The following TMPRSS11D variants were observed in gnomAD, a reference collection of about 807,000 sequenced individuals.
TMPRSS11D encodes transmembrane serine protease 11D.
Under a neutral mutation model 44.4 loss-of-function variants are expected in TMPRSS11D, and 32 were observed. The ratio of observed to expected loss-of-function variants is 0.72; its 90% confidence interval spans 0.54 to 0.97. The LOEUF (loss-of-function observed/expected upper bound fraction) is 0.97, where lower values mean the gene tolerates loss of function less well. Ranked by LOEUF, TMPRSS11D falls within the 50% of genes least tolerant of loss-of-function variation. The pLI is 0.00. For missense variants in TMPRSS11D, 446 were observed against 502.6 expected (o/e 0.89, Z 1.08); for synonymous variants, 179 against 177.9 (o/e 1.01, Z -0.05).
At chr4:67,857,235 G>A (rs1415392734) in intron 2 of TMPRSS11D, among the ~76,000 whole-genome samples, 1 of 148,546 alleles carries the variant, frequency 6.7e-6, no homozygotes, top group East Asian at 2.0e-4. Context: ...ATCAACCTAT[G>A]TGTCCATCAA....
intron 5 of TMPRSS11D, among the ~76,000 whole-genome samples, chr4:67,836,143 C>T (rs988102739): frequency 2.0e-5 from 3 of 152,076 alleles, no homozygotes; most frequent in African/African-American, 7.2e-5. Flanking sequence ...TGTCCTCTAT[C>T]TTTTGAATTA....
chr4:67,845,171 A>T (rs1392547883), intron 3 of TMPRSS11D, among the ~76,000 whole-genome samples: 1 of 152,232 alleles, frequency 6.6e-6, no homozygotes, highest in African/African-American at 2.4e-5. Flanking sequence ...GATAATAAGC[A>T]ACATAAAGAA....
At chr4:67,846,412 A>C (rs536806016) in intron 3 of TMPRSS11D, among the ~76,000 whole-genome samples, 3 of 152,254 alleles carry the variant, frequency 2.0e-5, no homozygotes, top group South Asian at 2.1e-4. Context: ...ATAAGTGGAT[A>C]GAATTTATAA....
intron 3 of TMPRSS11D, among the ~76,000 whole-genome samples, chr4:67,848,361 G>T (rs1038208469): frequency 1.3e-5 from 2 of 152,052 alleles, no homozygotes; most frequent in Non-Finnish European, 2.9e-5. Context: ...TTTCTAAATG[G>T]CCTCATTCAT....
Position 67,831,045 on chromosome 4 carries a change from A to G in TMPRSS11D, c.692+2159T>C, listed in dbSNP as rs141555850. Among the ~76,000 whole-genome samples the G allele has an allele frequency of 4.9e-3, 746 of 152,252 alleles. 8 individuals carry two copies. The highest frequency in any genetic ancestry group is 0.017 in the African/African-American group (721 of 41,580). ...TAAGTGTCTACTTTGTATAAGGAAT[A>G]GTATGAGTCTCCAGGAATAAAAATA... On this transcript the variant is annotated intron_variant, in intron 7 of 9. Coordinates refer to ENST00000283916, the MANE Select transcript of TMPRSS11D (RefSeq NM_004262.3).
intron 4 of TMPRSS11D, 30 bp downstream of exon 4, chr4:67,842,528 C>T (rs1185962645): frequency 6.3e-7 from 1 of 1,592,728 alleles, no homozygotes; most frequent in Admixed American, 1.7e-5. Flanking sequence ...TGTATCTATA[C>T]TTAAATATTT....
chr4:67,861,304 A>G (rs1408583059), intron 1 of TMPRSS11D, among the ~76,000 whole-genome samples: 2 of 152,052 alleles, frequency 1.3e-5, no homozygotes, highest in Non-Finnish European at 2.9e-5. Context: ...TAACTATTTG[A>G]GTTTCAGCTT....
chr4:67,838,080 GAA>G, intron 5 of TMPRSS11D, 90 bp downstream of exon 5: 1 of 1,125,260 alleles, frequency 8.9e-7, no homozygotes, highest in Non-Finnish European at 1.2e-6. Context: ...TTCAAAGAAA[GAA>G]AAGTCAGCCT....
rs1269598394 is a variant in TMPRSS11D, at chr4:67,883,960, T to C, written c.-27A>G. On this transcript the variant is annotated 5_prime_UTR_variant, in exon 1 of 10. Transcript: ENST00000283916. ...TTAATCCTTAATGAAGAGGTTCTTT[T>C]TTCTGCCTACTCAACTGCTTTGAGA... is the stretch of plus-strand genomic sequence containing the variant. 1 of 1,600,530 alleles carries C rather than the reference T, an allele frequency of 6.2e-7. No homozygotes were observed. The highest frequency in any genetic ancestry group is 8.5e-7 in the Non-Finnish European group (1 of 1,173,928).
At position 67,827,505 on chromosome 4, in the gene TMPRSS11D, A is replaced by G. The variant is rs149678803; in HGVS notation, c.708T>C (p.Arg236=). Residue 236 remains arginine (R), a synonymous_variant, in exon 8 of 10, where the codon CGT becomes CGC. Transcript: ENST00000283916. The stretch of plus-strand genomic sequence containing the variant: ...AAATACCAGACGTGGCAATCCAGTC[A>G]CGAGGATTAGAGTTGCTAAAACATT... ...AHCFRSNSNP[R]DWIATSGIST... 73 of 1,603,802 alleles carry G rather than the reference A, an allele frequency of 4.6e-5. No individual in the cohort carries two copies. The African/African-American group carries it at 8.8e-4, about 19-fold the overall frequency.
chr4:67,844,147 C>T (rs1718301797), intron 3 of TMPRSS11D, among the ~76,000 whole-genome samples: 1 of 151,974 alleles, frequency 6.6e-6, no homozygotes, highest in Non-Finnish European at 1.5e-5. Flanking sequence ...TGAGGTGGCA[C>T]CTAGGTGGAT....
intron 4 of TMPRSS11D, among the ~76,000 whole-genome samples, chr4:67,841,934 AG>A (rs1718240912): frequency 3.3e-5 from 5 of 152,196 alleles, no homozygotes; most frequent in Non-Finnish European, 5.9e-5. Flanking sequence ...TAAAGACTAG[AG>A]CAATGTGGTC....
chr4:67,878,032 A>G (rs1214568013), intron 1 of TMPRSS11D, among the ~76,000 whole-genome samples: 1 of 152,204 alleles, frequency 6.6e-6, no homozygotes, highest in Non-Finnish European at 1.5e-5. Context: ...GGGGTAATTT[A>G]TAAAGAAAAA....
intron 2 of TMPRSS11D, among the ~76,000 whole-genome samples, chr4:67,858,033 G>T (rs1303668762): frequency 6.6e-6 from 1 of 152,078 alleles, no homozygotes; most frequent in Non-Finnish European, 1.5e-5. Flanking sequence ...GACAACAGGG[G>T]TCTTCCAGAG....
chr4:67,876,203 T>G (rs1266467902), intron 1 of TMPRSS11D, among the ~76,000 whole-genome samples: 1 of 152,174 alleles, frequency 6.6e-6, no homozygotes, highest in East Asian at 1.9e-4. Flanking sequence ...CAGATCCATG[T>G]GATCACTGGG....
intron 2 of TMPRSS11D, among the ~76,000 whole-genome samples, chr4:67,858,019 C>T (rs2109687883): frequency 6.6e-6 from 1 of 152,142 alleles, no homozygotes; most frequent in Admixed American, 6.5e-5. Context: ...ACAAAAACAA[C>T]AACGACAACA....
At chr4:67,844,614 A>T (rs192564993) in intron 3 of TMPRSS11D, among the ~76,000 whole-genome samples, 93 of 151,844 alleles carry the variant, frequency 6.1e-4, no homozygotes, top group African/African-American at 2.2e-3. Flanking sequence ...TCTCTCCTAA[A>T]AATACAAAAA....
intron 4 of TMPRSS11D, among the ~76,000 whole-genome samples, chr4:67,842,023 C>CT (rs990508943): frequency 2.0e-5 from 3 of 152,190 alleles, no homozygotes; most frequent in African/African-American, 7.2e-5. Context: ...TCATATTTAA[C>CT]TAAGGCAGGA....
At chr4:67,833,990 C>T (rs1452119304) in intron 6 of TMPRSS11D, among the ~76,000 whole-genome samples, 1 of 152,068 alleles carries the variant, frequency 6.6e-6, no homozygotes, top group Non-Finnish European at 1.5e-5. Context: ...ATAAAGGAGT[C>T]GCTATACCAC....
Sources: allele counts gnomAD v4.1 joint callset (sites outside exome capture counted in the v4.1 genomes callset), GRCh38; gene constraint gnomAD v4.1.1; transcripts MANE v1.5; gene names NCBI Gene and HGNC (gene_info 2026-07-23, HGNC 2026-07-21).